Variants in PACRG observed in about 807,000 individuals in gnomAD.
PACRG encodes parkin coregulated.
In PACRG, 29 loss-of-function variants were observed where a neutral mutation model predicts 29.7. The observed-to-expected ratio is 0.98, with a 90% CI of 0.73 to 1.33. The LOEUF is 1.33. PACRG is among the 40% of genes most tolerant of loss of function. The pLI, the probability that PACRG is intolerant of heterozygous loss-of-function variation, is 0.00. For missense variants in PACRG, 279 were observed against 316.2 expected, an observed-to-expected ratio of 0.88 and a Z score of 0.89; for synonymous variants, 116 against 118.7, an observed-to-expected ratio of 0.98 and a Z score of 0.15.
intron 2 of PACRG, among the ~76,000 whole-genome samples, chr6:162,959,081 C>T (rs984243029): frequency 0.011 from 1,158 of 105,520 alleles, 15 homozygotes; most frequent in African/African-American, 0.056. Flanking sequence ...GCCTGGCTAA[C>T]TTTTTTTTTT....
chr6:163,229,244 G>T (rs1781927559), intron 4 of PACRG, among the ~76,000 whole-genome samples: 1 of 152,084 alleles, frequency 6.6e-6, no homozygotes. Flanking sequence ...GGCACTCAGG[G>T]GGCTGGGGCA....
At chr6:162,741,395 G>A (rs541825684) in intron 1 of PACRG, among the ~76,000 whole-genome samples, 8 of 152,254 alleles carry the variant, frequency 5.3e-5, no homozygotes, top group Admixed American at 3.9e-4. Context: ...GAAGTTCAAG[G>A]TCAAGGTGCC....
intron 2 of PACRG, among the ~76,000 whole-genome samples, chr6:162,943,890 CAG>C (rs1267549831): frequency 6.6e-6 from 1 of 151,960 alleles, no homozygotes; most frequent in African/African-American, 2.4e-5. Context: ...ACTTGGAAAC[CAG>C]AGGATTGTCA....
intron 3 of PACRG, among the ~76,000 whole-genome samples, chr6:163,074,052 C>T (rs1005012870): frequency 1.8e-4 from 28 of 152,136 alleles, no homozygotes; most frequent in African/African-American, 6.3e-4. Flanking sequence ...CCATGCAATC[C>T]AGCAAGCCCA....
intron 2 of PACRG, among the ~76,000 whole-genome samples, chr6:163,032,659 G>C (rs1807780141): frequency 6.6e-6 from 1 of 152,038 alleles, no homozygotes. Flanking sequence ...TACAAATACA[G>C]CCCAAAGAAA....
chr6:162,755,489 G>A (rs1187401370), intron 1 of PACRG, among the ~76,000 whole-genome samples: 1 of 152,050 alleles, frequency 6.6e-6, no homozygotes, highest in Non-Finnish European at 1.5e-5. Flanking sequence ...AGGTTGGAGT[G>A]CAGTGGTGCA....
intron 2 of PACRG, among the ~76,000 whole-genome samples, chr6:163,005,704 A>G (rs1033721038): frequency 4.8e-5 from 7 of 145,214 alleles, no homozygotes; most frequent in African/African-American, 2.0e-4. Context: ...TTTAATTTTT[A>G]TGGGTACCTA....
intron 2 of PACRG, among the ~76,000 whole-genome samples, chr6:162,963,554 A>G (rs1202069731): frequency 1.3e-5 from 2 of 150,562 alleles, no homozygotes; most frequent in East Asian, 3.9e-4. Flanking sequence ...TTATTTACAC[A>G]TTATTGTGTA....
chr6:163,240,890 G>C (rs983794482), intron 4 of PACRG, among the ~76,000 whole-genome samples: 1 of 152,158 alleles, frequency 6.6e-6, no homozygotes, highest in Non-Finnish European at 1.5e-5. Context: ...CCGTAGCAAG[G>C]GGCTTGCCCT....
chr6:163,127,701 T>G (rs1027892115), intron 4 of PACRG, among the ~76,000 whole-genome samples: 13 of 152,198 alleles, frequency 8.5e-5, no homozygotes, highest in African/African-American at 2.4e-4. Context: ...GAAGAAGTCT[T>G]TATCTTTACA....
intron 2 of PACRG, among the ~76,000 whole-genome samples, chr6:162,956,679 C>T (rs960440408): frequency 6.6e-6 from 1 of 152,168 alleles, no homozygotes; most frequent in Non-Finnish European, 1.5e-5. Context: ...AGCCGCATGG[C>T]CTTCTCCCTG....
chr6:163,007,307 TAAAC>T (rs941576603), intron 2 of PACRG, among the ~76,000 whole-genome samples: 13 of 152,186 alleles, frequency 8.5e-5, no homozygotes, highest in African/African-American at 3.1e-4. Context: ...TTTGGAGACT[TAAAC>T]AATAAGAAAA....
At chr6:162,904,874 G>A (rs1290709022) in intron 2 of PACRG, among the ~76,000 whole-genome samples, 5 of 152,232 alleles carry the variant, frequency 3.3e-5, no homozygotes, top group African/African-American at 1.2e-4. Flanking sequence ...TTTGGGTGAA[G>A]ATTAGGCTTC....
At chr6:163,025,672 AT>A (rs1328763133) in intron 2 of PACRG, among the ~76,000 whole-genome samples, 2 of 152,238 alleles carry the variant, frequency 1.3e-5, no homozygotes, top group Non-Finnish European at 2.9e-5. Flanking sequence ...TTCCTTTTGA[AT>A]TTCAAGTTTG....
intron 4 of PACRG, among the ~76,000 whole-genome samples, chr6:163,288,189 G>A (rs1784464120): frequency 6.6e-6 from 1 of 152,216 alleles, no homozygotes; most frequent in East Asian, 1.9e-4. Context: ...CACTAATGGT[G>A]TTTGAAGTGG....
At chr6:162,948,892 G>A (rs971718949) in intron 2 of PACRG, among the ~76,000 whole-genome samples, 16 of 152,004 alleles carry the variant, frequency 1.1e-4, no homozygotes, top group South Asian at 6.2e-4. Flanking sequence ...AATAAATGCC[G>A]GTGAGCATGT....
intron 1 of PACRG, among the ~76,000 whole-genome samples, chr6:162,784,128 C>A (rs1333957): frequency 0.17 from 26,484 of 152,062 alleles, 2,994 homozygotes; most frequent in East Asian, 0.48. Flanking sequence ...CTTGTGGAAC[C>A]AGAAATTTTT....
chr6:162,845,276 C>T lies in PACRG; in HGVS notation c.291+30995C>T, dbSNP rs566062294. On this transcript the variant is annotated intron_variant, in intron 2 of 4. Coordinates refer to ENST00000366888, the MANE Select transcript of PACRG (RefSeq NM_001080379.2). ...TGACCCCATTGTATATGCAACGGTA[C>T]GTTCCAAAATTAAACCTAAATAAAA... Among the ~76,000 whole-genome samples the T allele has an allele frequency of 1.5e-4, 23 of 152,210 alleles. No individual in the cohort carries two copies. In the South Asian group the frequency reaches 2.5e-3, roughly 16 times the overall value.
intron 2 of PACRG, among the ~76,000 whole-genome samples, chr6:162,883,637 G>A (rs1047748549): frequency 6.6e-6 from 1 of 151,864 alleles, no homozygotes; most frequent in Non-Finnish European, 1.5e-5. Context: ...TATTCAGCAG[G>A]AGCAAACATC....
Sources: allele counts gnomAD v4.1 joint callset (sites outside exome capture counted in the v4.1 genomes callset), GRCh38; gene constraint gnomAD v4.1.1; transcripts MANE v1.5; gene names NCBI Gene and HGNC (gene_info 2026-07-23, HGNC 2026-07-21).